Variants in MMP2 observed in about 807,000 individuals in gnomAD.
MMP2 encodes 72 kDa type IV collagenase.
In MMP2, 39 loss-of-function variants were observed where a neutral mutation model predicts 74.8. That is an observed-to-expected ratio of 0.52 (90% CI 0.40 to 0.68). The LOEUF (loss-of-function observed/expected upper bound fraction) is 0.68. Among genes scored for constraint, MMP2 ranks in the 30% least tolerant of loss-of-function variants. MMP2 has a pLI of 0.00. For synonymous variants in MMP2, 367 were observed against 339.8 expected, an observed-to-expected ratio of 1.08 and a Z score of -0.88; for missense variants, 803 against 878.3, an observed-to-expected ratio of 0.91 and a Z score of 1.08.
intron 5 of MMP2, chr16:55,486,610 T>A (rs912330989): frequency 6.6e-6 from 1 of 152,028 alleles, no homozygotes. Context: ...ACATACACAC[T>A]CAATCCTTTT....
At chr16:55,489,279 A>G (rs1178789680) in intron 6 of MMP2, among the ~76,000 whole-genome samples, 1 of 152,192 alleles carries the variant, frequency 6.6e-6, no homozygotes, top group African/African-American at 2.4e-5. Flanking sequence ...GCTGAGGGGC[A>G]TGTGCTGGTG....
chr16:55,501,417 A>G (rs1962663704), intron 11 of MMP2, among the ~76,000 whole-genome samples: 1 of 152,224 alleles, frequency 6.6e-6, no homozygotes, highest in Non-Finnish European at 1.5e-5. Context: ...TGTGGGTAGA[A>G]TGAGAAAGAA....
At position 55,479,566 on chromosome 16, in the gene MMP2, C is replaced by T. The variant is rs1342572491; in HGVS notation, c.87C>T (p.Ala29=). 2.5e-6 allele frequency: 4 copies of T among 1,613,266 alleles called. No individual in the cohort carries two copies. The highest frequency in any genetic ancestry group is 1.1e-5 in the South Asian group (1 of 91,060). The part of the protein sequence containing the change: ...LLGCLLSHAA[A]APSPIIKFPG... ...GCTGCCTGCTGAGCCACGCCGCCGC[C>T]GCGCCGTCGCCCATCATCAAGTTCC... The change falls in exon 1 of 13, where the codon GCC becomes GCT. Residue 29 remains alanine (A), a synonymous_variant. Transcript: ENST00000219070.
intron 9 of MMP2, among the ~76,000 whole-genome samples, chr16:55,494,013 G>C (rs1962477615): frequency 6.6e-6 from 1 of 152,154 alleles, no homozygotes; most frequent in Admixed American, 6.5e-5. Flanking sequence ...TAAAGGGTCT[G>C]TCCTTCCATT....
At chr16:55,483,967 A>G in intron 2 of MMP2, 49 bp from the exon 3 acceptor site, 1 of 1,596,438 alleles carries the variant, frequency 6.3e-7, no homozygotes, top group South Asian at 1.1e-5. Flanking sequence ...GCATATACAT[A>G]CACTTATGCA....
Position 55,485,772 on chromosome 16 carries a change from A to C in MMP2, c.827A>C (p.His276Pro), listed in dbSNP as rs1596811650. The change falls in exon 5 of 13, where the codon CAT becomes CCT. Residue 276 changes from histidine (H) to proline (P), a missense_variant. Transcript: ENST00000219070. ...EKDGKYGFCP[H>P]EALFTMGGNA... ...GATGGCAAGTACGGCTTCTGTCCCC[A>C]TGAAGGTGAGCATCCACTCTAGTCC... is the stretch of plus-strand genomic sequence containing the variant. 6.2e-7 allele frequency: 1 copy of C among 1,613,460 alleles called. No homozygotes were observed. Among genetic ancestry groups the C allele is most frequent in the Non-Finnish European group, 8.5e-7 (1 of 1,179,998 alleles).
intron 5 of MMP2, chr16:55,487,233 G>A (rs567095080): frequency 1.3e-5 from 2 of 152,304 alleles, no homozygotes; most frequent in South Asian, 2.1e-4. Flanking sequence ...CGCACAACAC[G>A]CACGTGTCTG....
At chr16:55,482,821 T>G in intron 1 of MMP2, 88 bp from the exon 2 acceptor site, 3 of 1,120,256 alleles carry the variant, frequency 2.7e-6, no homozygotes, top group Non-Finnish European at 4.0e-6. Context: ...TGGCACTGGG[T>G]TGGGGGGCTG....
At chr16:55,486,355 G>GTGCC (rs1555491725) in intron 5 of MMP2, among the ~76,000 whole-genome samples, 73 of 72,086 alleles carry the variant, frequency 1.0e-3, no homozygotes, top group African/African-American at 2.7e-3. Context: ...GCCTGTGTGT[G>GTGCC]TGTGTGTGTG....
At position 55,496,843 on chromosome 16, in the gene MMP2, CTGGG is replaced by C. The variant is rs1474485965; in HGVS notation, c.1473-77_1473-74del. 14 of 1,573,648 alleles carry C rather than the reference CTGGG, an allele frequency of 8.9e-6. No homozygotes were observed. The African/African-American group carries it at 1.6e-4, about 18-fold the overall frequency. ...TCATGGAATCATCTCTGGGATGTTT[CTGGG>C]TGGGTTTGGGGGTGTGTGTGGTTCG... On this transcript the variant is annotated intron_variant, in intron 9 of 12. Transcript: ENST00000219070.
At chr16:55,495,078 T>A (rs1289662868) in intron 9 of MMP2, among the ~76,000 whole-genome samples, 1 of 152,228 alleles carries the variant, frequency 6.6e-6, no homozygotes, top group East Asian at 1.9e-4. Flanking sequence ...TCACAGGGTC[T>A]GCTGGCCAAT....
At chr16:55,487,896 T>C (rs1459868293) in intron 5 of MMP2, 2 of 153,032 alleles carry the variant, frequency 1.3e-5, no homozygotes, top group African/African-American at 2.4e-5. Flanking sequence ...CTCTCCTTCC[T>C]ACAGAGACTG....
chr16:55,504,606 G>A (rs1962749305), intron 12 of MMP2, among the ~76,000 whole-genome samples: 1 of 149,912 alleles, frequency 6.7e-6, no homozygotes, highest in Non-Finnish European at 1.5e-5. Context: ...TTTTGGTTTT[G>A]TTTTTGTTTT....
chr16:55,484,977 G>C (rs1962204649), intron 3 of MMP2, among the ~76,000 whole-genome samples: 1 of 152,152 alleles, frequency 6.6e-6, no homozygotes, highest in Non-Finnish European at 1.5e-5. Flanking sequence ...TGGGGATGAT[G>C]AAGATGGGGT....
At chr16:55,492,804 T>C (rs1163419754) in intron 8 of MMP2, among the ~76,000 whole-genome samples, 1 of 152,192 alleles carries the variant, frequency 6.6e-6, no homozygotes, top group Non-Finnish European at 1.5e-5. Context: ...CTGACCGCCC[T>C]GACTCTTGTG....
intron 3 of MMP2, among the ~76,000 whole-genome samples, 163 bp from the exon 4 acceptor site, chr16:55,485,135 AG>A (rs1445153151): frequency 1.3e-5 from 2 of 152,128 alleles, no homozygotes. Flanking sequence ...CCAGGTCAGC[AG>A]ATCTCTACTG....
At position 55,496,940 on chromosome 16, in the gene MMP2, C is replaced by G; in HGVS notation, c.1487C>G (p.Thr496Ser). ...CCTCCTGCCAGGTTCATTTGGCGGA[C>G]TGTGACGCCACGTGACAAGCCCATG... is the stretch of plus-strand genomic sequence containing the variant. ...FFFKDRFIWR[T>S]VTPRDKPMGP... Residue 496 changes from threonine (T) to serine (S), a missense_variant, in exon 10 of 13, where the codon ACT becomes AGT. By Grantham distance (58) the Thr-to-Ser change is moderately conservative. This residue lies in a region of MMP2 where 555 missense variants were observed against 592.0 expected (regional missense o/e 0.94). Coordinates refer to ENST00000219070, the MANE Select transcript of MMP2 (RefSeq NM_004530.6). 6.2e-7 allele frequency: 1 copy of G among 1,614,066 alleles called. No individual in the cohort carries two copies. The highest frequency in any genetic ancestry group is 8.5e-7 in the Non-Finnish European group (1 of 1,180,038).
intron 1 of MMP2, among the ~76,000 whole-genome samples, chr16:55,480,298 C>CT (rs1460051276): frequency 1.3e-5 from 2 of 152,320 alleles, no homozygotes; most frequent in African/African-American, 2.4e-5. Context: ...GAGAGCGCAT[C>CT]TTTTTTCTCC....
At chr16:55,494,517 G>T (rs1010376506) in intron 9 of MMP2, among the ~76,000 whole-genome samples, 47 of 152,200 alleles carry the variant, frequency 3.1e-4, no homozygotes, top group Admixed American at 2.9e-3. Flanking sequence ...ACAGTGGGGT[G>T]GGGGGCTGCT....
Sources: gnomAD v4.1 joint callset for allele counts (sites outside exome capture counted in the v4.1 genomes callset) on GRCh38, gnomAD v4.1.1 for gene constraint, gnomAD v4.1.1 regional missense constraint, MANE v1.5 for transcripts, NCBI Gene and HGNC (gene_info 2026-07-23, HGNC 2026-07-21) for gene names.